The following ZNF26 variants were observed in gnomAD, a reference collection of about 807,000 sequenced individuals.
ZNF26 encodes zinc finger protein 26.
ZNF26 carries 32 observed loss-of-function variants against 54.9 expected under a neutral mutation model. The ratio of observed to expected loss-of-function variants is 0.58; its 90% CI spans 0.44 to 0.78. The LOEUF (loss-of-function observed/expected upper bound fraction) is 0.78. ZNF26 is among the 30% of genes least tolerant of loss of function. ZNF26 has a pLI of 0.00. For missense variants in ZNF26, 524 were observed against 634.0 expected, an observed-to-expected ratio of 0.83 and a Z score of 1.86; for synonymous variants, 221 against 209.2, an observed-to-expected ratio of 1.06 and a Z score of -0.49.
chr12:132,986,603 A>G lies in ZNF26; in HGVS notation c.-238A>G. On this transcript the variant is annotated 5_prime_UTR_variant, in exon 1 of 4. Coordinates refer to ENST00000328654, the MANE Select transcript of ZNF26 (RefSeq NM_019591.4). ...GCTCTCCCGAGTCAGGGCCACGGAAAGGCACAAATCCATCCGTGCGACTCC... is the reference window on the plus strand; with the variant it reads ...GCTCTCCCGAGTCAGGGCCACGGAAGGGCACAAATCCATCCGTGCGACTCC... 1 of 583,374 alleles carries G rather than the reference A, an allele frequency of 1.7e-6. No individual in the cohort carries two copies. Among genetic ancestry groups the G allele is most frequent in the Admixed American group, 3.0e-5 (1 of 33,468 alleles). 36.1% of individuals were successfully genotyped at this position (583,374 alleles called of 1,614,324 possible). A position where few individuals can be genotyped will look rare whatever the true frequency, so the allele number is the denominator to read the frequency against.
intron 1 of ZNF26, chr12:132,987,717 G>T (rs1566249896): frequency 1.0e-6 from 1 of 985,458 alleles, no homozygotes; most frequent in East Asian, 1.1e-4. Context: ...ACACCTTATT[G>T]TATTCGTGGA....
chr12:133,023,646 CAG>C lies in ZNF26; in HGVS notation c.*12166_*12167del, dbSNP rs35466737. Reference sequence around the variant, plus strand: ...TTTTATTTTCTGAAGTGGGCTATGACAGTAGCTTCCATCTCATCTCCTCTTCT... The same window carrying C: ...TTTTATTTTCTGAAGTGGGCTATGACTAGCTTCCATCTCATCTCCTCTTCT... On this transcript the variant is annotated 3_prime_UTR_variant, in exon 4 of 4. Coordinates refer to ENST00000328654, the MANE Select transcript of ZNF26 (RefSeq NM_019591.4). 0.67 allele frequency: 101,173 copies of C among 151,830 alleles called. 34,224 individuals carry two copies. Among genetic ancestry groups the C allele is most frequent in the East Asian group, 0.87 (4,481 of 5,178 alleles). The allele number at this position is 151,830 out of a possible 1,614,324, so 9.4% of individuals were successfully genotyped here. A position where few individuals can be genotyped will look rare whatever the true frequency, so the allele number is the denominator to read the frequency against.
intron 3 of ZNF26, among the ~76,000 whole-genome samples, chr12:133,009,032 G>A (rs1953408449): frequency 6.6e-6 from 1 of 152,080 alleles, no homozygotes; most frequent in South Asian, 2.1e-4. Flanking sequence ...CTATCGTGAA[G>A]ACTGCACCAA....
Position 133,023,643 on chromosome 12 carries a change from T to C in ZNF26, c.*12162T>C, listed in dbSNP as rs1953669269. The C allele has an allele frequency of 1.2e-5, 1 of 82,166 alleles. No individual in the cohort carries two copies. Among genetic ancestry groups the C allele is most frequent in the Non-Finnish European group, 2.7e-5 (1 of 36,380 alleles). 5.1% of individuals were successfully genotyped at this position (82,166 alleles called of 1,614,324 possible). A position where few individuals can be genotyped will look rare whatever the true frequency, so the allele number is the denominator to read the frequency against. On this transcript the variant is annotated 3_prime_UTR_variant, in exon 4 of 4. Transcript: ENST00000328654. ...AGATTTTATTTTCTGAAGTGGGCTA[T>C]GACAGTAGCTTCCATCTCATCTCCT...
At position 133,013,202 on chromosome 12, in the gene ZNF26, A is replaced by G. The variant is rs1339911917; in HGVS notation, c.*1721A>G. On this transcript the variant is annotated 3_prime_UTR_variant, in exon 4 of 4. Transcript: ENST00000328654. ...TGATTTTGATCTTGCTGGATCTTAG[A>G]CCATGAGAATGACAGGCCTGAAGCC... 1 of 152,228 alleles carries G rather than the reference A, an allele frequency of 6.6e-6. No homozygotes were observed. Among genetic ancestry groups the G allele is most frequent in the Non-Finnish European group, 1.5e-5 (1 of 68,032 alleles). The allele number at this position is 152,228 out of a possible 1,614,324, so 9.4% of individuals were successfully genotyped here.
intron 1 of ZNF26, among the ~76,000 whole-genome samples, chr12:132,991,934 G>A (rs1048632225): frequency 6.6e-6 from 1 of 151,868 alleles, no homozygotes; most frequent in Non-Finnish European, 1.5e-5. Flanking sequence ...GGTCATTTGA[G>A]GTCAGGAGTT....
chr12:133,004,947 G>A (rs1333545360), intron 1 of ZNF26: 2 of 151,896 alleles, frequency 1.3e-5, no homozygotes, highest in African/African-American at 4.8e-5. Flanking sequence ...CTTTTAGTTG[G>A]TTATCAGGTG....
rs1174301214 is a variant in ZNF26, at chr12:133,013,856, G to A, written c.*2375G>A. ...CTTCATTTAAGGCTATAGAGTAGAT[G>A]TTGGCAATATATAAAATTCAAACTT... On this transcript the variant is annotated 3_prime_UTR_variant, in exon 4 of 4. Transcript: ENST00000328654. 6.5e-6 allele frequency: 1 copy of A among 152,998 alleles called. No individual in the cohort carries two copies. The highest frequency in any genetic ancestry group is 1.5e-5 in the Non-Finnish European group (1 of 68,374). The allele number at this position is 152,998 out of a possible 1,614,324, so 9.5% of individuals were successfully genotyped here.
At chr12:133,002,853 A>C (rs1264480001) in intron 1 of ZNF26, among the ~76,000 whole-genome samples, 1 of 151,818 alleles carries the variant, frequency 6.6e-6, no homozygotes, top group Non-Finnish European at 1.5e-5. Flanking sequence ...CGAACTCCTG[A>C]CCTCAGGTGA....
At chr12:132,988,901 A>C (rs1282741604) in intron 1 of ZNF26, among the ~76,000 whole-genome samples, 1 of 152,054 alleles carries the variant, frequency 6.6e-6, no homozygotes, top group Non-Finnish European at 1.5e-5. Context: ...GCTACTGTAA[A>C]TGGTATTGTG....
In ZNF26 at chr12:133,017,156, A is replaced by G. The variant is rs1346057062; in HGVS notation, c.*5675A>G. ...AGATGTAATTTGATGGTACAAAAAT[A>G]TGGAAATAAGCCCCAGAAAATAACA... On this transcript the variant is annotated 3_prime_UTR_variant, in exon 4 of 4. Transcript: ENST00000328654. 4 of 152,262 alleles carry G rather than the reference A, an allele frequency of 2.6e-5. No homozygotes were observed. Among genetic ancestry groups the G allele is most frequent in the African/African-American group, 4.8e-5 (2 of 41,466 alleles). 9.4% of individuals were successfully genotyped at this position (152,262 alleles called of 1,614,324 possible).
intron 1 of ZNF26, among the ~76,000 whole-genome samples, chr12:132,994,401 A>G (rs1338050656): frequency 6.6e-6 from 1 of 152,192 alleles, no homozygotes; most frequent in African/African-American, 2.4e-5. Flanking sequence ...CAGAGTGGCT[A>G]CTTCCAAACT....
In ZNF26 at chr12:132,991,195, A is replaced by G. The variant is rs1378211188; in HGVS notation, c.33+4322A>G. Among the ~76,000 whole-genome samples the G allele has an allele frequency of 2.6e-5, 4 of 151,692 alleles. No homozygotes were observed. In the East Asian group the frequency reaches 6.0e-4, roughly 23 times the overall value. Reference sequence around the variant, plus strand: ...TTTGAACAGACTAGGTCAACTAAGTATAAGAAAAATAGCTAGGCATGGCTG... The same window carrying G: ...TTTGAACAGACTAGGTCAACTAAGTGTAAGAAAAATAGCTAGGCATGGCTG... On this transcript the variant is annotated intron_variant, in intron 1 of 3. Coordinates refer to ENST00000328654, the MANE Select transcript of ZNF26 (RefSeq NM_019591.4).
In ZNF26 at chr12:133,011,761, ATAAAT is replaced by A. The variant is rs1953479838; in HGVS notation, c.*284_*288del. The A allele has an allele frequency of 1.4e-5, 3 of 216,108 alleles. No homozygotes were observed. Among genetic ancestry groups the A allele is most frequent in the Non-Finnish European group, 1.8e-5 (2 of 109,540 alleles). The allele number at this position is 216,108 out of a possible 1,614,324, so 13.4% of individuals were successfully genotyped here. On this transcript the variant is annotated 3_prime_UTR_variant, in exon 4 of 4. Coordinates refer to ENST00000328654, the MANE Select transcript of ZNF26 (RefSeq NM_019591.4). The stretch of plus-strand genomic sequence containing the variant: ...ACACTAGGAACACCTTATAAGTTGA[ATAAAT>A]TAAGGAAGCATTTTCCCATTGAAAG...
intron 1 of ZNF26, chr12:133,004,822 CT>C: frequency 6.6e-6 from 1 of 152,232 alleles, no homozygotes; most frequent in East Asian, 1.9e-4. Flanking sequence ...TTGAAAATGT[CT>C]TTTATTTTCC....
chr12:132,993,395 A>T (rs1455141540), intron 1 of ZNF26, among the ~76,000 whole-genome samples: 1 of 151,838 alleles, frequency 6.6e-6, no homozygotes, highest in Non-Finnish European at 1.5e-5. Flanking sequence ...TGGTTGTTTT[A>T]AGTTTTGTCT....
rs986004444 is a variant in ZNF26 at position 133,016,429 on chromosome 12, A to G, written c.*4948A>G. Reference sequence around the variant, plus strand: ...CTACTTTTTTTTTTTTTTTTTAACTATTTTAAGAGCATCACAGTAAAAGGA... The same window carrying G: ...CTACTTTTTTTTTTTTTTTTTAACTGTTTTAAGAGCATCACAGTAAAAGGA... On this transcript the variant is annotated 3_prime_UTR_variant, in exon 4 of 4. Transcript: ENST00000328654. The G allele has an allele frequency of 1.8e-5, 2 of 110,046 alleles. No homozygotes were observed. Among genetic ancestry groups the G allele is most frequent in the Non-Finnish European group, 3.8e-5 (2 of 52,064 alleles). The allele number at this position is 110,046 out of a possible 1,614,324, so 6.8% of individuals were successfully genotyped here.
chr12:133,025,321 T>C lies in ZNF26; in HGVS notation c.*13840T>C, dbSNP rs1312834497. ...TCACAGGCATTCAGATTGGGAGAAA[T>C]AGCACCTCAGGAACTGCATCCTCAA... On this transcript the variant is annotated 3_prime_UTR_variant, in exon 4 of 4. Coordinates refer to ENST00000328654, the MANE Select transcript of ZNF26 (RefSeq NM_019591.4). 2 of 152,128 alleles carry C rather than the reference T, an allele frequency of 1.3e-5. No individual in the cohort carries two copies. The highest frequency in any genetic ancestry group is 1.3e-4 in the Admixed American group (2 of 15,278). The allele number at this position is 152,128 out of a possible 1,614,324, so 9.4% of individuals were successfully genotyped here.
chr12:133,000,216 TAACAGTTA>T, intron 1 of ZNF26, among the ~76,000 whole-genome samples: 1 of 152,046 alleles, frequency 6.6e-6, no homozygotes, highest in Admixed American at 6.6e-5. Context: ...TTCAAAATTT[TAACAGTTA>T]TTTTGTATTT....
Sources: allele counts gnomAD v4.1 joint callset (sites outside exome capture counted in the v4.1 genomes callset), GRCh38; gene constraint gnomAD v4.1.1; transcripts MANE v1.5; gene names NCBI Gene and HGNC (gene_info 2026-07-23, HGNC 2026-07-21).